ELAVL2: variants seen among roughly 807,000 people sequenced by gnomAD.
ELAVL2 encodes the protein ELAV like RNA binding protein 2.
A neutral mutation model predicts 34.6 loss-of-function variants in ELAVL2; 4 were observed. That is an observed-to-expected ratio of 0.12 (90% CI 0.06 to 0.26). The LOEUF (loss-of-function observed/expected upper bound fraction) is 0.26. Among genes scored for constraint, ELAVL2 ranks in the 10% least tolerant of loss-of-function variants. ELAVL2 has a pLI of 1.00. For missense variants in ELAVL2, 432 were observed against 442.8 expected (o/e 0.98, Z 0.22); for synonymous variants, 193 against 154.8 (o/e 1.25, Z -1.83).
intron 1 of ELAVL2, among the ~76,000 whole-genome samples, chr9:23,783,213 T>C (rs1003336071): frequency 2.0e-5 from 3 of 152,174 alleles, no homozygotes; most frequent in African/African-American, 7.2e-5. Context: ...ATAAGCAGAA[T>C]TATCCTTACC....
At position 23,690,454 on chromosome 9, in the gene ELAVL2, T is replaced by C. The variant is rs2032806109; in HGVS notation, c.*2103A>G. 6.6e-6 allele frequency: 1 copy of C among 152,542 alleles called. No homozygotes were observed. The highest frequency in any genetic ancestry group is 6.6e-5 in the Admixed American group (1 of 15,250). The allele number at this position is 152,542 out of a possible 1,614,324, so 9.4% of individuals were successfully genotyped here. ...GTATTTTATTTTTTAGTGTTTTTCT[T>C]TTTTTAAACGCAGAAGGTTAACTCT... On this transcript the variant is annotated 3_prime_UTR_variant, in exon 7 of 7. Coordinates refer to ENST00000397312, the MANE Select transcript of ELAVL2 (RefSeq NM_004432.5).
intron 3 of ELAVL2, among the ~76,000 whole-genome samples, chr9:23,723,886 A>G (rs1017425011): frequency 1.3e-5 from 2 of 152,116 alleles, no homozygotes; most frequent in African/African-American, 4.8e-5. Flanking sequence ...ACACGTGCAC[A>G]CACACACAGA....
At chr9:23,734,943 GTC>G (rs1472536156) in intron 2 of ELAVL2, among the ~76,000 whole-genome samples, 1 of 151,452 alleles carries the variant, frequency 6.6e-6, no homozygotes, top group Non-Finnish European at 1.5e-5. Context: ...TATTTTTCAA[GTC>G]TCTCTGAATT....
chr9:23,788,213 G>A (rs1342093725), intron 1 of ELAVL2, among the ~76,000 whole-genome samples: 1 of 152,138 alleles, frequency 6.6e-6, no homozygotes, highest in Non-Finnish European at 1.5e-5. Context: ...TATAACAAGT[G>A]AGTGACAATA....
chr9:23,836,461 T>C, the ELAVL2 span, among the ~76,000 whole-genome samples: 1 of 152,208 alleles, frequency 6.6e-6, no homozygotes, highest in African/African-American at 2.4e-5. Context: ...TGATGTATTC[T>C]AGAATACTAA....
intron 3 of ELAVL2, among the ~76,000 whole-genome samples, chr9:23,723,929 T>G (rs1422346521): frequency 6.6e-6 from 1 of 152,146 alleles, no homozygotes; most frequent in South Asian, 2.1e-4. Flanking sequence ...TACAAGTTAT[T>G]ACTTCTGTGG....
chr9:23,730,324 A>G (rs1344876258), intron 3 of ELAVL2, among the ~76,000 whole-genome samples: 1 of 152,166 alleles, frequency 6.6e-6, no homozygotes, highest in Non-Finnish European at 1.5e-5. Context: ...GTACGTCTTA[A>G]AAAGAAAAAC....
intron 2 of ELAVL2, among the ~76,000 whole-genome samples, chr9:23,753,850 AAG>A (rs1232160384): frequency 6.6e-6 from 1 of 152,180 alleles, no homozygotes; most frequent in East Asian, 1.9e-4. Context: ...CAAATGTTAC[AAG>A]AGAATTTCAA....
rs57292061 is a variant in ELAVL2 at position 23,786,781 on chromosome 9, CAAAAAA to C, written c.-15-24538_-15-24533del. 6.2e-4 allele frequency among the ~76,000 whole-genome samples: 67 copies of C among 108,120 alleles called. 1 individual carries two copies. The highest frequency in any genetic ancestry group is 1.6e-3 in the African/African-American group (48 of 29,434). 70.9% of individuals were successfully genotyped at this position (108,120 alleles called of 152,430 possible). ...TAGTCTCAGTAACAGATTTTAGTGG[CAAAAAA>C]AAAAAAAAAAAAAAAAGAGAGAGAG... On this transcript the variant is annotated intron_variant, in intron 1 of 6. Transcript: ENST00000397312.
chr9:23,709,955 G>T (rs1372067119), intron 3 of ELAVL2, among the ~76,000 whole-genome samples: 2 of 152,032 alleles, frequency 1.3e-5, no homozygotes, highest in African/African-American at 4.8e-5. Context: ...TCTCACAAAA[G>T]CTACGAGTGA....
intron 1 of ELAVL2, among the ~76,000 whole-genome samples, chr9:23,777,048 C>T (rs1424103976): frequency 6.6e-6 from 1 of 152,140 alleles, no homozygotes; most frequent in East Asian, 1.9e-4. Flanking sequence ...ATGTAAAGTA[C>T]AAGTTTCTTT....
chr9:23,791,492 T>A (rs1035286265), intron 1 of ELAVL2, among the ~76,000 whole-genome samples: 7 of 152,196 alleles, frequency 4.6e-5, no homozygotes, highest in African/African-American at 1.7e-4. Context: ...GTAGTTTCAG[T>A]AGAAACGGTA....
intron 1 of ELAVL2, among the ~76,000 whole-genome samples, chr9:23,818,312 G>A (rs2064013409): frequency 1.3e-5 from 2 of 152,172 alleles, no homozygotes; most frequent in Non-Finnish European, 2.9e-5. Flanking sequence ...CAACTAACCA[G>A]GAAAAGCTAC....
intron 1 of ELAVL2, among the ~76,000 whole-genome samples, chr9:23,807,278 G>C (rs2062361861): frequency 6.6e-6 from 1 of 152,012 alleles, no homozygotes; most frequent in Non-Finnish European, 1.5e-5. Flanking sequence ...TTTAGGTCTG[G>C]TGATCTGTGT....
chr9:23,747,967 G>A (rs955157219), intron 2 of ELAVL2, among the ~76,000 whole-genome samples: 3 of 152,064 alleles, frequency 2.0e-5, no homozygotes, highest in South Asian at 2.1e-4. Flanking sequence ...CTGAAATAAT[G>A]CAAAGGCAGA....
At chr9:23,699,704 G>C (rs2036475683) in intron 5 of ELAVL2, among the ~76,000 whole-genome samples, 1 of 151,658 alleles carries the variant, frequency 6.6e-6, no homozygotes, top group African/African-American at 2.4e-5. Context: ...CTGAAAAAGG[G>C]CTTTCTTTGT....
chr9:23,776,055 A>G (rs1165195942), intron 1 of ELAVL2, among the ~76,000 whole-genome samples: 2 of 152,144 alleles, frequency 1.3e-5, no homozygotes, highest in East Asian at 1.9e-4. Context: ...CCCCTTACTT[A>G]TCCATGTGGT....
the ELAVL2 span, among the ~76,000 whole-genome samples, chr9:23,836,426 G>A: frequency 6.6e-6 from 1 of 152,066 alleles, no homozygotes; most frequent in Non-Finnish European, 1.5e-5. Context: ...TTATGTCAGT[G>A]CTTATTATTT....
chr9:23,805,253 T>C (rs1312621191), intron 1 of ELAVL2, among the ~76,000 whole-genome samples: 2 of 152,180 alleles, frequency 1.3e-5, no homozygotes, highest in African/African-American at 4.8e-5. Flanking sequence ...TAAATGGCTA[T>C]AACAAGTAAG....
Sources: gnomAD v4.1 joint callset for allele counts (sites outside exome capture counted in the v4.1 genomes callset) on GRCh38, gnomAD v4.1.1 for gene constraint, MANE v1.5 for transcripts, NCBI Gene and HGNC (gene_info 2026-07-23, HGNC 2026-07-21) for gene names.